The following RYR2 variants were observed in gnomAD, a reference collection of about 807,000 sequenced individuals.
RYR2 encodes the protein ryanodine receptor 2.
RYR2 carries 227 observed loss-of-function variants against 601.1 expected under a neutral mutation model. That is an observed-to-expected ratio of 0.38 (90% CI 0.34 to 0.42). The LOEUF is 0.42. Among genes scored for constraint, RYR2 ranks in the 10% least tolerant of loss-of-function variants. RYR2 has a pLI of 1.00. For missense variants in RYR2, 4,646 were observed against 6,156.5 expected (o/e 0.75, Z 8.21); for synonymous variants, 2,223 against 2,175.1 (o/e 1.02, Z -0.61).
At chr1:237,715,363 A>G (rs924553124) in intron 71 of RYR2, among the ~76,000 whole-genome samples, 2 of 152,236 alleles carry the variant, frequency 1.3e-5, no homozygotes, top group Non-Finnish European at 2.9e-5. Context: ...TATTGCTTAT[A>G]GATTTAATTT....
In RYR2 at chr1:237,787,017, T is replaced by C. The variant is rs1191067731; in HGVS notation, c.13329-971T>C. ...ATGAGTTAAGATTAAGTATAGCTTATATATATTAATATTTCTGGTTTATGT... is the reference window on the plus strand; with the variant it reads ...ATGAGTTAAGATTAAGTATAGCTTACATATATTAATATTTCTGGTTTATGT... On this transcript the variant is annotated intron_variant, in intron 91 of 104. Coordinates refer to ENST00000366574, the MANE Select transcript of RYR2 (RefSeq NM_001035.3). Among the ~76,000 whole-genome samples the C allele has an allele frequency of 3.9e-5, 6 of 152,176 alleles. No homozygotes were observed. In the East Asian group the frequency reaches 5.8e-4, roughly 15 times the overall value.
chr1:237,329,729 G>A (rs1696529310), intron 2 of RYR2, among the ~76,000 whole-genome samples: 1 of 152,110 alleles, frequency 6.6e-6, no homozygotes, highest in African/African-American at 2.4e-5. Context: ...TTGTGTAGTG[G>A]TAAGTCTGGG....
At chr1:237,202,964 T>A (rs1286829278) in intron 1 of RYR2, among the ~76,000 whole-genome samples, 2 of 152,150 alleles carry the variant, frequency 1.3e-5, no homozygotes, top group African/African-American at 4.8e-5. Flanking sequence ...ATAATAACAT[T>A]TTCTTGAAAA....
intron 19 of RYR2, 149 bp from the exon 20 acceptor site, chr1:237,496,362 T>C: frequency 9.9e-7 from 1 of 1,006,050 alleles, no homozygotes; most frequent in Non-Finnish European, 1.4e-6. Context: ...AAACTATGAT[T>C]GCACTACTGC....
chr1:237,582,298 TGGA>T (rs1674005108), intron 29 of RYR2, among the ~76,000 whole-genome samples: 1 of 150,386 alleles, frequency 6.6e-6, no homozygotes, highest in South Asian at 2.1e-4. Flanking sequence ...TTAGTAGAGA[TGGA>T]GTTTCACCAC....
chr1:237,701,488 C>T (rs915737021), intron 65 of RYR2, among the ~76,000 whole-genome samples: 3 of 151,848 alleles, frequency 2.0e-5, no homozygotes, highest in African/African-American at 2.4e-5. Context: ...CCAGTATTGC[C>T]ACTGCACTCC....
At chr1:237,665,770 G>A (rs1353294388) in intron 56 of RYR2, among the ~76,000 whole-genome samples, 1 of 152,132 alleles carries the variant, frequency 6.6e-6, no homozygotes, top group Non-Finnish European at 1.5e-5. Flanking sequence ...ATGATAATGA[G>A]CTATATTTTC....
chr1:237,692,031 T>C (rs1039120128), intron 63 of RYR2, among the ~76,000 whole-genome samples: 1 of 152,196 alleles, frequency 6.6e-6, no homozygotes, highest in African/African-American at 2.4e-5. Context: ...TCTATTACAG[T>C]CTGTTAGAAT....
chr1:237,081,903 A>C (rs891002997), intron 1 of RYR2, among the ~76,000 whole-genome samples: 7 of 152,066 alleles, frequency 4.6e-5, no homozygotes, highest in Admixed American at 3.9e-4. Flanking sequence ...CTACTTGGCG[A>C]TGATCCCTGG....
chr1:237,711,192 T>C (rs951885405), intron 70 of RYR2, among the ~76,000 whole-genome samples: 1 of 152,230 alleles, frequency 6.6e-6, no homozygotes, highest in African/African-American at 2.4e-5. Context: ...TATCTGAATA[T>C]GTACTTTTGA....
chr1:237,359,882 T>C (rs1699630430), intron 4 of RYR2, among the ~76,000 whole-genome samples: 1 of 152,202 alleles, frequency 6.6e-6, no homozygotes, highest in Admixed American at 6.5e-5. Flanking sequence ...ATACCATTGG[T>C]TTCCAATGTG....
chr1:237,699,368 A>G (rs561918116), intron 64 of RYR2, among the ~76,000 whole-genome samples: 74 of 152,242 alleles, frequency 4.9e-4, no homozygotes, highest in African/African-American at 1.6e-3. Context: ...TCATAATAAC[A>G]TTTGGCTTTT....
rs376851273 is a variant in RYR2, at chr1:237,477,141, C to A, written c.1708+7954C>A. Among the ~76,000 whole-genome samples, 72 of 152,226 alleles carry A rather than the reference C, an allele frequency of 4.7e-4. 1 individual carries two copies. In the South Asian group the frequency reaches 0.014, roughly 29 times the overall value. On this transcript the variant is annotated intron_variant, in intron 17 of 104. Coordinates refer to ENST00000366574, the MANE Select transcript of RYR2 (RefSeq NM_001035.3). The stretch of plus-strand genomic sequence containing the variant: ...GGTGTGGTGGCTCACACCTGTAATC[C>A]CAGCACTTTGGGAGGCCGAGGCAGG...
chr1:237,342,241 G>A (rs1295685823), intron 3 of RYR2, among the ~76,000 whole-genome samples: 1 of 151,618 alleles, frequency 6.6e-6, no homozygotes, highest in South Asian at 2.1e-4. Context: ...CTCCAATGCT[G>A]GGTCTCAAGG....
intron 4 of RYR2, among the ~76,000 whole-genome samples, chr1:237,360,714 G>A (rs1699705733): frequency 6.6e-6 from 1 of 152,030 alleles, no homozygotes; most frequent in Admixed American, 6.6e-5. Flanking sequence ...TGACACAAGG[G>A]CATTTCAATA....
In RYR2 at chr1:237,831,415, G is replaced by T. The variant is rs570719036; in HGVS notation, c.14757-99G>T. Reference sequence around the variant, plus strand: ...TGCATGTGGCGTTTTCTCTGTGCTGGCCATAATTGATTGCAACCATACAAT... The same window carrying T: ...TGCATGTGGCGTTTTCTCTGTGCTGTCCATAATTGATTGCAACCATACAAT... On this transcript the variant is annotated intron_variant, in intron 103 of 104. Transcript: ENST00000366574. 14 of 688,318 alleles carry T rather than the reference G, an allele frequency of 2.0e-5. No individual in the cohort carries two copies. The East Asian group carries it at 3.6e-4, about 18-fold the overall frequency. 42.6% of individuals were successfully genotyped at this position (688,318 alleles called of 1,614,324 possible). A position where few individuals can be genotyped will look rare whatever the true frequency, so the allele number is the denominator to read the frequency against.
At chr1:237,122,532 A>G (rs1406880084) in intron 1 of RYR2, among the ~76,000 whole-genome samples, 1 of 152,038 alleles carries the variant, frequency 6.6e-6, no homozygotes, top group East Asian at 1.9e-4. Context: ...AAATAGAACA[A>G]TCAGCCAGGC....
chr1:237,802,407 G>A (rs34463991), intron 98 of RYR2: 12,016 of 151,908 alleles, frequency 0.079, 901 homozygotes, highest in African/African-American at 0.19. Context: ...ACTAAAAACC[G>A]CCAGGTGTCT....
intron 80 of RYR2, among the ~76,000 whole-genome samples, chr1:237,754,762 A>G (rs1388591981): frequency 6.6e-6 from 1 of 152,234 alleles, no homozygotes; most frequent in Non-Finnish European, 1.5e-5. Context: ...ACACCTGAAG[A>G]GCAGACGAAA....
Sources: gnomAD v4.1 joint callset for allele counts (sites outside exome capture counted in the v4.1 genomes callset) on GRCh38, gnomAD v4.1.1 for gene constraint, MANE v1.5 for transcripts, NCBI Gene and HGNC (gene_info 2026-07-23, HGNC 2026-07-21) for gene names.